ANKIB1: variants seen among roughly 807,000 people sequenced by gnomAD.
ANKIB1 encodes the protein ankyrin repeat and IBR domain-containing protein 1.
A neutral mutation model predicts 122.1 loss-of-function variants in ANKIB1; 43 were observed. The ratio of observed to expected loss-of-function variants is 0.35; its 90% confidence interval spans 0.28 to 0.45. The LOEUF (loss-of-function observed/expected upper bound fraction) is 0.45, where lower values mean the gene tolerates loss of function less well. Ranked by LOEUF, ANKIB1 falls within the 20% of genes least tolerant of loss-of-function variation. The pLI is 1.00. For missense variants in ANKIB1, 992 were observed against 1,329.5 expected (o/e 0.75, Z 3.95); for synonymous variants, 390 against 442.0 (o/e 0.88, Z 1.48).
chr7:92,398,252 T>C lies in ANKIB1; in HGVS notation c.2573T>C (p.Leu858Pro). 1 of 1,612,302 alleles carries C rather than the reference T, an allele frequency of 6.2e-7. No homozygotes were observed. Among genetic ancestry groups the C allele is most frequent in the Non-Finnish European group, 8.5e-7 (1 of 1,179,140 alleles). The change falls in exon 20 of 20, where the codon CTT (leucine) becomes CCT (proline). Residue 858 changes from leucine to proline, a missense_variant. Transcript: ENST00000265742. ...SLDEDDPNIL[L>P]AIQLSLQESG... ...GATGAAGACGATCCCAATATACTTCTTGCAATACAGTTATCACTGCAAGAG... is the reference window on the plus strand; with the variant it reads ...GATGAAGACGATCCCAATATACTTCCTGCAATACAGTTATCACTGCAAGAG...
intron 1 of ANKIB1, among the ~76,000 whole-genome samples, chr7:92,282,560 A>G (rs1562770094): frequency 1.3e-5 from 2 of 152,240 alleles, no homozygotes; most frequent in Non-Finnish European, 2.9e-5. Flanking sequence ...CATTAAGGAC[A>G]ATACATTATT....
Position 92,305,077 on chromosome 7 carries a change from G to A in ANKIB1, c.189-2282G>A, listed in dbSNP as rs879256296. ...ATGTTTCCCATTTCTATTATTAAAC[G>A]CTTAAGTGATTTCCAGATTTTTCTG... is the stretch of plus-strand genomic sequence containing the variant. On this transcript the variant is annotated intron_variant, in intron 2 of 19. Transcript: ENST00000265742. 7.2e-5 allele frequency among the ~76,000 whole-genome samples: 11 copies of A among 152,166 alleles called. No homozygotes were observed. The East Asian group carries it at 9.6e-4, about 13-fold the overall frequency.
chr7:92,279,847 A>G (rs80193792), intron 1 of ANKIB1, among the ~76,000 whole-genome samples: 1 of 152,130 alleles, frequency 6.6e-6, no homozygotes, highest in Non-Finnish European at 1.5e-5. Context: ...TAGAGTCCAA[A>G]TTGACCCACT....
At chr7:92,254,527 T>TA (rs1562760933) in intron 1 of ANKIB1, among the ~76,000 whole-genome samples, 1 of 152,022 alleles carries the variant, frequency 6.6e-6, no homozygotes, top group South Asian at 2.1e-4. Flanking sequence ...AAATGAGTTT[T>TA]AAAAAAAAGT....
At chr7:92,372,749 TTTA>T (rs746903208) in intron 11 of ANKIB1, among the ~76,000 whole-genome samples, 1 of 152,144 alleles carries the variant, frequency 6.6e-6, no homozygotes, top group Non-Finnish European at 1.5e-5. Flanking sequence ...TTAATAACAT[TTTA>T]TTAATCCCTA....
intron 9 of ANKIB1, among the ~76,000 whole-genome samples, chr7:92,361,669 A>T (rs200040230): frequency 2.3e-5 from 3 of 128,898 alleles, no homozygotes; most frequent in South Asian, 2.7e-4. Context: ...GAATGTACTG[A>T]TTTTTTTTTT....
At chr7:92,386,137 A>G (rs537656481) in intron 11 of ANKIB1, among the ~76,000 whole-genome samples, 8 of 152,328 alleles carry the variant, frequency 5.3e-5, no homozygotes, top group Admixed American at 2.6e-4. Context: ...CAATTTGTCA[A>G]TATTGCCAGA....
At chr7:92,253,368 C>T (rs1482177138) in intron 1 of ANKIB1, among the ~76,000 whole-genome samples, 1 of 152,178 alleles carries the variant, frequency 6.6e-6, no homozygotes, top group East Asian at 1.9e-4. Context: ...AACTGAGGGG[C>T]CTGCTGGCTT....
At chr7:92,273,591 G>A (rs544018494) in intron 1 of ANKIB1, among the ~76,000 whole-genome samples, 1 of 152,250 alleles carries the variant, frequency 6.6e-6, no homozygotes, top group African/African-American at 2.4e-5. Context: ...TAAATGTAGG[G>A]AAAACAGGTG....
chr7:92,268,788 T>C (rs1030344971), intron 1 of ANKIB1, among the ~76,000 whole-genome samples: 25 of 152,234 alleles, frequency 1.6e-4, no homozygotes, highest in Admixed American at 6.5e-5. Context: ...TCTTAATTGG[T>C]GTCCTTTGAC....
chr7:92,359,529 C>CAT (rs1349103889), intron 9 of ANKIB1, among the ~76,000 whole-genome samples: 1 of 152,254 alleles, frequency 6.6e-6, no homozygotes, highest in South Asian at 2.1e-4. Flanking sequence ...CTGCAATAAA[C>CAT]ATATGTGTGT....
chr7:92,259,777 C>A (rs1801521503), intron 1 of ANKIB1, among the ~76,000 whole-genome samples: 1 of 152,172 alleles, frequency 6.6e-6, no homozygotes, highest in Non-Finnish European at 1.5e-5. Flanking sequence ...GTCTTCCTCT[C>A]TCAGTAGTGG....
Position 92,246,254 on chromosome 7 carries a change from G to T in ANKIB1, c.-356G>T, listed in dbSNP as rs1049956467. On this transcript the variant is annotated 5_prime_UTR_variant, in exon 1 of 20. It removes an upstream start codon present in the reference 5' UTR. Transcript: ENST00000265742. ...GGCGGCGCAGCGGCCGGAGAGGGAT[G>T]GGGGGCGCCCACCCAGTCTGAGCCT... 3 of 387,814 alleles carry T rather than the reference G, an allele frequency of 7.7e-6. No individual in the cohort carries two copies. The highest frequency in any genetic ancestry group is 3.6e-5 in the South Asian group (2 of 55,748). The allele number at this position is 387,814 out of a possible 1,614,324, so 24.0% of individuals were successfully genotyped here. A position where few individuals can be genotyped will look rare whatever the true frequency, so the allele number is the denominator to read the frequency against.
rs367545004 is a variant in ANKIB1, at chr7:92,310,268, T to C, written c.486+2612T>C. ...TAAGTCACATCATTTGATGATTGTT[T>C]TCATTTTCTGTATTCAGAAGAGCTC... is the stretch of plus-strand genomic sequence containing the variant. On this transcript the variant is annotated intron_variant, in intron 3 of 19. Coordinates refer to ENST00000265742, the MANE Select transcript of ANKIB1 (RefSeq NM_019004.2). Among the ~76,000 whole-genome samples the C allele has an allele frequency of 3.2e-4, 48 of 152,216 alleles. 1 individual carries two copies. The highest frequency in any genetic ancestry group is 9.9e-4 in the African/African-American group (41 of 41,550).
chr7:92,352,457 G>A lies in ANKIB1; in HGVS notation c.1231-19G>A, dbSNP rs1434191313. The A allele has an allele frequency of 3.7e-6, 6 of 1,611,272 alleles. No homozygotes were observed. Among genetic ancestry groups the A allele is most frequent in the Non-Finnish European group, 5.1e-6 (6 of 1,179,006 alleles). ...ATTAAAATATTTTCTTTTGTGTTTTGTTATTGCTGTTTAAACAGGCCTTTG... is the reference window on the plus strand; with the variant it reads ...ATTAAAATATTTTCTTTTGTGTTTTATTATTGCTGTTTAAACAGGCCTTTG... On this transcript the variant is annotated intron_variant, in intron 8 of 19. Transcript: ENST00000265742.
intron 11 of ANKIB1, among the ~76,000 whole-genome samples, chr7:92,385,662 A>T (rs1354554469): frequency 6.6e-6 from 1 of 152,198 alleles, no homozygotes; most frequent in Non-Finnish European, 1.5e-5. Flanking sequence ...GTTTTCACTC[A>T]TAGGTGGGAA....
intron 10 of ANKIB1, 54 bp from the exon 11 acceptor site, chr7:92,371,423 C>A: frequency 2.0e-6 from 3 of 1,505,906 alleles, no homozygotes; most frequent in Non-Finnish European, 2.7e-6. Flanking sequence ...TTTTTTCCCC[C>A]AGAAGTTGTA....
intron 11 of ANKIB1, among the ~76,000 whole-genome samples, chr7:92,383,898 A>G (rs1804576035): frequency 6.6e-6 from 1 of 152,174 alleles, no homozygotes; most frequent in Admixed American, 6.5e-5. Context: ...CAGGGCAATC[A>G]GGCAAGAGAA....
chr7:92,341,238 A>G (rs1388988948), intron 5 of ANKIB1, among the ~76,000 whole-genome samples: 1 of 151,382 alleles, frequency 6.6e-6, no homozygotes, highest in African/African-American at 2.4e-5. Context: ...TGAACCCAGG[A>G]GGCAGAGGCT....
Sources: gnomAD v4.1 joint callset for allele counts (sites outside exome capture counted in the v4.1 genomes callset) on GRCh38, gnomAD v4.1.1 for gene constraint, MANE v1.5 for transcripts, NCBI Gene and HGNC (gene_info 2026-07-23, HGNC 2026-07-21) for gene names.